Variants in PTPN13 observed in about 807,000 individuals in gnomAD.
PTPN13 encodes the protein tyrosine-protein phosphatase non-receptor type 13.
PTPN13 carries 191 observed loss-of-function variants against 284.0 expected under a neutral mutation model. The ratio of observed to expected loss-of-function variants is 0.67; its 90% CI spans 0.60 to 0.76. PTPN13 has a LOEUF of 0.76. Ranked by LOEUF, PTPN13 falls within the 30% of genes least tolerant of loss-of-function variation. PTPN13 has a pLI of 0.00. For synonymous variants in PTPN13, 986 were observed against 1,022.3 expected (o/e 0.96, Z 0.68); for missense variants, 2,797 against 2,939.9 (o/e 0.95, Z 1.12).
intron 24 of PTPN13, 94 bp downstream of exon 24, chr4:86,763,284 CATT>C (rs1738918175): frequency 9.4e-7 from 1 of 1,067,126 alleles, no homozygotes; most frequent in Non-Finnish European, 1.4e-6. Flanking sequence ...AAGATGCTTT[CATT>C]ATTCTGGAAA....
At chr4:86,686,312 G>A (rs1232908608) in intron 3 of PTPN13, among the ~76,000 whole-genome samples, 6 of 151,430 alleles carry the variant, frequency 4.0e-5, no homozygotes, top group African/African-American at 1.5e-4. Context: ...CCGAGATTGT[G>A]CCACTGCACT....
chr4:86,637,005 C>A (rs1043631316), intron 2 of PTPN13, among the ~76,000 whole-genome samples: 20 of 151,806 alleles, frequency 1.3e-4, no homozygotes, highest in Non-Finnish European at 1.9e-4. Flanking sequence ...ATATCACCAC[C>A]GATCCCACAG....
intron 1 of PTPN13, chr4:86,595,846 G>A (rs983217198): frequency 1.8e-6 from 1 of 567,318 alleles, no homozygotes; most frequent in Non-Finnish European, 2.2e-6. Flanking sequence ...ACTAAAGGAT[G>A]GGGGGGGGAG....
intron 1 of PTPN13, among the ~76,000 whole-genome samples, chr4:86,607,807 T>A (rs1276352335): frequency 6.6e-6 from 1 of 152,064 alleles, no homozygotes; most frequent in Admixed American, 6.6e-5. Flanking sequence ...TTTTAGCTTT[T>A]CTTTTTTCAA....
At chr4:86,673,510 G>A (rs1345195338) in intron 3 of PTPN13, among the ~76,000 whole-genome samples, 1 of 152,200 alleles carries the variant, frequency 6.6e-6, no homozygotes, top group Non-Finnish European at 1.5e-5. Context: ...GTGGTTAAAG[G>A]AAGGAAGAAA....
At chr4:86,662,637 T>C (rs943115575) in intron 2 of PTPN13, among the ~76,000 whole-genome samples, 1 of 152,156 alleles carries the variant, frequency 6.6e-6, no homozygotes, top group Non-Finnish European at 1.5e-5. Context: ...GCTGTTATAT[T>C]TTTAAAAAGA....
chr4:86,718,049 G>A (rs1733225903), intron 9 of PTPN13, among the ~76,000 whole-genome samples: 1 of 152,098 alleles, frequency 6.6e-6, no homozygotes. Context: ...GATTTATGTT[G>A]TTTAAACTGA....
chr4:86,752,954 G>T, intron 19 of PTPN13, 55 bp from the exon 20 acceptor site: 1 of 1,284,116 alleles, frequency 7.8e-7, no homozygotes, highest in South Asian at 1.4e-5. Flanking sequence ...AAATCACTTC[G>T]ATATCTAGCA....
At chr4:86,693,527 A>C in intron 5 of PTPN13, 60 bp from the exon 6 acceptor site, 1 of 1,111,108 alleles carries the variant, frequency 9.0e-7, no homozygotes, top group Non-Finnish European at 1.3e-6. Flanking sequence ...GTAAACAGTT[A>C]CCATGAAAAC....
intron 1 of PTPN13, among the ~76,000 whole-genome samples, chr4:86,623,398 A>T (rs1361347417): frequency 1.3e-5 from 2 of 152,168 alleles, no homozygotes; most frequent in African/African-American, 4.8e-5. Context: ...ACCCCCTCAC[A>T]GACACACCCA....
intron 1 of PTPN13, among the ~76,000 whole-genome samples, chr4:86,599,934 T>G (rs72665772): frequency 0.16 from 24,774 of 152,142 alleles, 2,388 homozygotes; most frequent in East Asian, 0.29. Context: ...TCTGGAAATG[T>G]GATGTCCCAA....
At chr4:86,688,547 CT>C (rs1729674049) in intron 4 of PTPN13, among the ~76,000 whole-genome samples, 1 of 151,462 alleles carries the variant, frequency 6.6e-6, no homozygotes, top group African/African-American at 2.4e-5. Context: ...TTTAAATGGT[CT>C]TGAAGCATTG....
intron 2 of PTPN13, among the ~76,000 whole-genome samples, chr4:86,650,056 G>T (rs1286428306): frequency 6.6e-6 from 1 of 152,064 alleles, no homozygotes; most frequent in Non-Finnish European, 1.5e-5. Context: ...CATGATCTTG[G>T]CTCACTGCAG....
intron 42 of PTPN13, among the ~76,000 whole-genome samples, chr4:86,800,003 A>G (rs1220636410): frequency 1.3e-5 from 2 of 150,808 alleles, no homozygotes; most frequent in Non-Finnish European, 3.0e-5. Context: ...ATGCCTGGCT[A>G]TTTTTTCTGT....
chr4:86,650,278 C>T (rs1286542964), intron 2 of PTPN13, among the ~76,000 whole-genome samples: 2 of 152,016 alleles, frequency 1.3e-5, no homozygotes, highest in African/African-American at 2.4e-5. Flanking sequence ...TGAGCTACAA[C>T]GTCTGGCCTT....
At position 86,814,306 on chromosome 4, in the gene PTPN13, A is replaced by G. The variant is rs553028229; in HGVS notation, c.7363-150A>G. The G allele has an allele frequency of 2.3e-5, 12 of 517,550 alleles. 1 individual carries two copies. The East Asian group carries it at 4.1e-4, about 18-fold the overall frequency. The allele number at this position is 517,550 out of a possible 1,614,324, so 32.1% of individuals were successfully genotyped here. On this transcript the variant is annotated intron_variant, in intron 47 of 47. Transcript: ENST00000411767. ...AGGTGTGAGCCACCGCGCCCAGCCT[A>G]CACCCTGTTTCTTGCATTCAACATT...
intron 2 of PTPN13, among the ~76,000 whole-genome samples, chr4:86,657,042 T>C (rs1369344954): frequency 6.6e-6 from 1 of 152,180 alleles, no homozygotes; most frequent in Non-Finnish European, 1.5e-5. Flanking sequence ...GGATATTATC[T>C]CTTGGTGTGC....
chr4:86,654,094 A>G (rs577467834), intron 2 of PTPN13, among the ~76,000 whole-genome samples: 2 of 152,338 alleles, frequency 1.3e-5, no homozygotes, highest in African/African-American at 4.8e-5. Context: ...TGACACCCTA[A>G]CATCACAATT....
chr4:86,670,269 T>G (rs1260384766), intron 2 of PTPN13, among the ~76,000 whole-genome samples: 1 of 145,176 alleles, frequency 6.9e-6, no homozygotes, highest in Non-Finnish European at 1.5e-5. Context: ...GTTGTGATCT[T>G]TATCCCACAT....
Sources: gnomAD v4.1 joint callset for allele counts (sites outside exome capture counted in the v4.1 genomes callset) on GRCh38, gnomAD v4.1.1 for gene constraint, MANE v1.5 for transcripts, NCBI Gene and HGNC (gene_info 2026-07-23, HGNC 2026-07-21) for gene names.